The following ABCB1 variants were observed in gnomAD, a reference collection of about 807,000 sequenced individuals.
ABCB1 encodes the protein ATP-dependent translocase ABCB1.
ABCB1 carries 69 observed loss-of-function variants against 142.0 expected under a neutral mutation model. The observed-to-expected ratio is 0.49, with a 90% CI of 0.40 to 0.59. The LOEUF is 0.59. Among genes scored for constraint, ABCB1 ranks in the 20% least tolerant of loss-of-function variants. ABCB1 has a pLI of 0.00. For synonymous variants in ABCB1, 532 were observed against 539.2 expected (o/e 0.99, Z 0.18); for missense variants, 1,326 against 1,554.7 (o/e 0.85, Z 2.47).
intron 18 of ABCB1, among the ~76,000 whole-genome samples, chr7:87,540,347 T>G (rs1393622526): frequency 6.6e-6 from 1 of 152,240 alleles, no homozygotes; most frequent in Non-Finnish European, 1.5e-5. Flanking sequence ...TTAGACAGTT[T>G]ACTTATGTGC....
intron 1 of ABCB1, among the ~76,000 whole-genome samples, chr7:87,698,791 T>C (rs568033048): frequency 1.3e-5 from 2 of 152,094 alleles, no homozygotes; most frequent in East Asian, 3.9e-4. Context: ...AGAAATACTT[T>C]TGAGGAGAAG....
chr7:87,583,136 T>C (rs1818587865), intron 4 of ABCB1, among the ~76,000 whole-genome samples: 1 of 152,224 alleles, frequency 6.6e-6, no homozygotes, highest in Non-Finnish European at 1.5e-5. Context: ...GTGAGGAACA[T>C]GAAAGCCTGT....
At chr7:87,610,637 G>A (rs1257877400) in intron 1 of ABCB1, among the ~76,000 whole-genome samples, 2 of 151,948 alleles carry the variant, frequency 1.3e-5, no homozygotes, top group Non-Finnish European at 2.9e-5. Context: ...GCATCATGTG[G>A]CAAAGGCAAA....
chr7:87,596,205 C>T (rs1819201859), intron 2 of ABCB1, among the ~76,000 whole-genome samples: 2 of 151,920 alleles, frequency 1.3e-5, no homozygotes, highest in Non-Finnish European at 2.9e-5. Context: ...TTATGAATCC[C>T]CTTAATTGTC....
rs1818839540 is a variant in ABCB1 at position 87,588,119 on chromosome 7, G to C, written c.118-2439C>G. 2.0e-5 allele frequency among the ~76,000 whole-genome samples: 3 copies of C among 151,484 alleles called. No homozygotes were observed. In the East Asian group the frequency reaches 5.8e-4, roughly 29 times the overall value. On this transcript the variant is annotated intron_variant, in intron 3 of 27. Transcript: ENST00000622132. The stretch of plus-strand genomic sequence containing the variant: ...TACTAATTTTCCAGGAATAAAGACA[G>C]AAAATTGAAAGAGTTCAGAACCTCA...
chr7:87,693,888 T>C (rs1018185694), intron 1 of ABCB1: 2 of 1,603,898 alleles, frequency 1.2e-6, no homozygotes, highest in African/African-American at 2.7e-5. Flanking sequence ...TGTGTTGTTG[T>C]TGTTATTTTT....
intron 22 of ABCB1, among the ~76,000 whole-genome samples, chr7:87,519,866 G>T (rs1381985426): frequency 2.6e-5 from 4 of 152,232 alleles, no homozygotes; most frequent in Admixed American, 6.5e-5. Flanking sequence ...AGGTGCAGGG[G>T]CCATGATGGG....
At chr7:87,545,396 A>C (rs1296794552) in intron 15 of ABCB1, among the ~76,000 whole-genome samples, 1 of 152,264 alleles carries the variant, frequency 6.6e-6, no homozygotes, top group Non-Finnish European at 1.5e-5. Context: ...ACAAATGTAA[A>C]AAGAAAGAAG....
rs755399685 is a variant in ABCB1, at chr7:87,550,222, C to T, written c.1299G>A (p.Lys433=). The T allele has an allele frequency of 6.2e-7, 1 of 1,614,130 alleles. No individual in the cohort carries two copies. The highest frequency in any genetic ancestry group is 1.1e-5 in the South Asian group (1 of 91,078). ...TCTGCATCAGCTGGACTGTTGTGCTCTTCCCACAGCCACTGTTTCCAACCA... is the reference window on the plus strand; with the variant it reads ...TCTGCATCAGCTGGACTGTTGTGCTTTTCCCACAGCCACTGTTTCCAACCA... ...VALVGNSGCG[K]STTVQLMQRL... is the part of the protein sequence containing the mutation. The change falls in exon 12 of 28, where the codon AAG becomes AAA. Residue 433 remains lysine (K), a synonymous_variant. Coordinates refer to ENST00000622132, the MANE Select transcript of ABCB1 (RefSeq NM_001348946.2).
intron 1 of ABCB1, among the ~76,000 whole-genome samples, chr7:87,696,069 A>T (rs1456684824): frequency 1.3e-5 from 2 of 152,138 alleles, no homozygotes; most frequent in East Asian, 3.8e-4. Context: ...TGGGATGGGA[A>T]TATGTTTTTA....
At chr7:87,507,238 A>C (rs1009358972) in intron 26 of ABCB1, among the ~76,000 whole-genome samples, 1 of 152,196 alleles carries the variant, frequency 6.6e-6, no homozygotes, top group Non-Finnish European at 1.5e-5. Flanking sequence ...CAGATTAGAG[A>C]CCAGGATTTG....
chr7:87,633,692 C>T lies in ABCB1; in HGVS notation c.-330-32614G>A, dbSNP rs541759011. 1.2e-3 allele frequency among the ~76,000 whole-genome samples: 175 copies of T among 151,864 alleles called. 1 individual carries two copies. Among genetic ancestry groups the T allele is most frequent in the Non-Finnish European group, 9.1e-4 (62 of 67,988 alleles). ...AATTTTTTTTTTTTTAAAAAGCACC[C>T]AGAGGCCTGAGTTAAGTTTAGTGAG... On this transcript the variant is annotated intron_variant, in intron 1 of 28. Transcript: ENST00000265724.
chr7:87,636,632 C>T (rs1392680455), intron 1 of ABCB1, among the ~76,000 whole-genome samples: 2 of 152,184 alleles, frequency 1.3e-5, no homozygotes, highest in African/African-American at 4.8e-5. Context: ...CAGCCTACTC[C>T]AAAGTAATGA....
intron 25 of ABCB1, among the ~76,000 whole-genome samples, chr7:87,510,541 A>G (rs555108801): frequency 6.6e-6 from 1 of 152,384 alleles, no homozygotes; most frequent in African/African-American, 2.4e-5. Context: ...TTCAAGTGAG[A>G]GAGCTGTTCA....
intron 23 of ABCB1, 42 bp from the exon 24 acceptor site, chr7:87,516,707 C>T (rs768098442): frequency 2.1e-5 from 27 of 1,306,734 alleles, no homozygotes; most frequent in Non-Finnish European, 2.7e-5. Flanking sequence ...GCATTACCAT[C>T]ACAATGCTAG....
chr7:87,593,073 T>C (rs1000993954), intron 3 of ABCB1, among the ~76,000 whole-genome samples: 2 of 151,988 alleles, frequency 1.3e-5, no homozygotes, highest in African/African-American at 4.8e-5. Context: ...ACTACAGGCA[T>C]GTGCCACCAT....
intron 5 of ABCB1, among the ~76,000 whole-genome samples, chr7:87,569,190 G>T (rs1036291579): frequency 6.6e-6 from 1 of 151,836 alleles, no homozygotes; most frequent in African/African-American, 2.4e-5. Context: ...AAAATTAGCT[G>T]GGTGTAGTGA....
chr7:87,627,638 G>A (rs1167827424), intron 1 of ABCB1: 7 of 152,302 alleles, frequency 4.6e-5, no homozygotes, highest in African/African-American at 1.4e-4. Context: ...GCTCTAGGAA[G>A]GGGGCGCTTC....
intron 1 of ABCB1, among the ~76,000 whole-genome samples, chr7:87,675,005 T>C (rs1826184375): frequency 6.6e-6 from 1 of 152,210 alleles, no homozygotes; most frequent in Admixed American, 6.5e-5. Context: ...CCTACAGCCT[T>C]TTCAGGCATC....
Sources: allele counts gnomAD v4.1 joint callset (sites outside exome capture counted in the v4.1 genomes callset), GRCh38; gene constraint gnomAD v4.1.1; transcripts MANE v1.5; gene names NCBI Gene and HGNC (gene_info 2026-07-23, HGNC 2026-07-21).